Variants in RAD51B observed in about 807,000 individuals in gnomAD.
RAD51B encodes the protein RAD51 paralog B, also known as DNA repair protein RAD51 homolog 2.
Under a neutral mutation model 42.2 loss-of-function variants are expected in RAD51B, and 38 were observed. That is an observed-to-expected ratio of 0.90 (90% confidence interval 0.70 to 1.18). The LOEUF is 1.18. Ranked by LOEUF, RAD51B falls within the 50% of genes most tolerant of loss-of-function variation. The probability of loss-of-function intolerance (pLI) is 0.00; values close to 1 mark genes in which losing one functional copy is unlikely to be tolerated. For missense variants in RAD51B, 373 were observed against 400.7 expected (o/e 0.93, Z 0.59); for synonymous variants, 154 against 145.2 (o/e 1.06, Z -0.43).
chr14:68,169,428 A>G (rs908891456), intron 7 of RAD51B, among the ~76,000 whole-genome samples: 3 of 152,128 alleles, frequency 2.0e-5, no homozygotes, highest in African/African-American at 2.4e-5. Context: ...ATTATTGGTC[A>G]CTAATTTTGC....
chr14:67,844,860 A>G (rs2041558207), intron 4 of RAD51B, among the ~76,000 whole-genome samples: 1 of 152,060 alleles, frequency 6.6e-6, no homozygotes, highest in Admixed American at 6.6e-5. Context: ...ATGAAGCTGG[A>G]AACCATTTTT....
chr14:68,243,620 G>C (rs1439501595), intron 7 of RAD51B, among the ~76,000 whole-genome samples: 1 of 152,042 alleles, frequency 6.6e-6, no homozygotes, highest in Non-Finnish European at 1.5e-5. Flanking sequence ...TAATTGCTTG[G>C]TAGTAATTGA....
intron 7 of RAD51B, among the ~76,000 whole-genome samples, chr14:68,051,407 A>C (rs1287344460): frequency 1.3e-5 from 2 of 152,092 alleles, no homozygotes; most frequent in Non-Finnish European, 2.9e-5. Context: ...TGTTTTCAAC[A>C]TATATATTTT....
At chr14:68,395,219 G>C (rs574860399) in intron 8 of RAD51B, among the ~76,000 whole-genome samples, 16 of 152,082 alleles carry the variant, frequency 1.1e-4, no homozygotes, top group African/African-American at 3.9e-4. Context: ...TCCTCTCTTT[G>C]CCCGATTCCT....
At chr14:68,429,435 A>G (rs1486836064) in intron 9 of RAD51B, among the ~76,000 whole-genome samples, 2 of 152,142 alleles carry the variant, frequency 1.3e-5, no homozygotes, top group African/African-American at 4.8e-5. Context: ...TGACTTTTTA[A>G]TGATCGCCAT....
rs201048307 is a variant in RAD51B at position 67,835,223 on chromosome 14, T to G, written c.315+27T>G. The G allele has an allele frequency of 7.8e-4, 1,170 of 1,498,832 alleles. 3 individuals carry two copies. The highest frequency in any genetic ancestry group is 1.0e-3 in the Non-Finnish European group (1,083 of 1,076,114). 92.8% of individuals were successfully genotyped at this position (1,498,832 alleles called of 1,614,324 possible). ...TAAAGGAAAAATTTTTCGTACCTTCTTCCATTGACCTATAACCTTCAGAGC... is the reference window on the plus strand; with the variant it reads ...TAAAGGAAAAATTTTTCGTACCTTCGTCCATTGACCTATAACCTTCAGAGC... On this transcript the variant is annotated intron_variant, in intron 4 of 10. Coordinates refer to ENST00000471583, the MANE Select transcript of RAD51B (RefSeq NM_133510.4).
At chr14:67,966,904 C>T (rs1046607605) in intron 7 of RAD51B, among the ~76,000 whole-genome samples, 23 of 152,104 alleles carry the variant, frequency 1.5e-4, no homozygotes, top group Admixed American at 3.3e-4. Flanking sequence ...CTTCTCATAG[C>T]AATCTGATAT....
intron 8 of RAD51B, among the ~76,000 whole-genome samples, chr14:68,384,367 A>G (rs1360040764): frequency 6.6e-6 from 1 of 152,248 alleles, no homozygotes; most frequent in African/African-American, 2.4e-5. Context: ...AGGATTTCCC[A>G]CAATGGCTAT....
At chr14:68,362,894 G>A (rs2083060726) in intron 8 of RAD51B, among the ~76,000 whole-genome samples, 1 of 151,920 alleles carries the variant, frequency 6.6e-6, no homozygotes, top group Admixed American at 6.5e-5. Flanking sequence ...AATGTTGTTA[G>A]CTCCTTCTCA....
chr14:68,216,350 G>C (rs190920999), intron 7 of RAD51B, among the ~76,000 whole-genome samples: 2 of 152,336 alleles, frequency 1.3e-5, no homozygotes, highest in East Asian at 3.9e-4. Flanking sequence ...GCAGTGAACT[G>C]TATGGTAGGT....
intron 8 of RAD51B, among the ~76,000 whole-genome samples, chr14:68,327,918 A>G (rs893184668): frequency 4.6e-5 from 7 of 152,150 alleles, no homozygotes; most frequent in African/African-American, 1.7e-4. Context: ...ATTCACTAAT[A>G]CGTATTTATT....
chr14:68,496,066 A>G (rs1055659818), intron 10 of RAD51B, among the ~76,000 whole-genome samples: 5 of 152,234 alleles, frequency 3.3e-5, no homozygotes, highest in African/African-American at 1.2e-4. Flanking sequence ...TTCCCCCAGC[A>G]GTAACCACTC....
chr14:68,450,744 C>T (rs544172494), intron 9 of RAD51B, among the ~76,000 whole-genome samples: 1 of 152,066 alleles, frequency 6.6e-6, no homozygotes, highest in Non-Finnish European at 1.5e-5. Flanking sequence ...ATCAGAAAAA[C>T]ATAAAGCCAT....
chr14:68,579,600 C>A (rs1465088685), intron 10 of RAD51B, among the ~76,000 whole-genome samples: 1 of 152,104 alleles, frequency 6.6e-6, no homozygotes, highest in Admixed American at 6.5e-5. Flanking sequence ...AAAAATGATT[C>A]CTTGCTTGTC....
At position 67,845,168 on chromosome 14, in the gene RAD51B, A is replaced by C. The variant is rs184491998; in HGVS notation, c.315+9972A>C. ...ATGTTGTTAGCCGGTTATTATGCAG[A>C]CTTGTTTGTGTTGTTGCTTTATAGT... On this transcript the variant is annotated intron_variant, in intron 4 of 10. Transcript: ENST00000471583. Among the ~76,000 whole-genome samples the C allele has an allele frequency of 2.6e-4, 39 of 152,248 alleles. No homozygotes were observed. In the East Asian group the frequency reaches 7.5e-3, roughly 29 times the overall value.
chr14:68,234,850 A>AT (rs921598744), intron 7 of RAD51B, among the ~76,000 whole-genome samples: 5 of 152,214 alleles, frequency 3.3e-5, no homozygotes, highest in African/African-American at 1.2e-4. Flanking sequence ...TCAACAATAA[A>AT]TTAAGTGTAA....
chr14:68,200,612 C>T lies in RAD51B; in HGVS notation c.757-91272C>T, dbSNP rs1303337080. 4.6e-5 allele frequency among the ~76,000 whole-genome samples: 7 copies of T among 152,046 alleles called. No individual in the cohort carries two copies. In the East Asian group the frequency reaches 5.8e-4, roughly 13 times the overall value. On this transcript the variant is annotated intron_variant, in intron 7 of 10. Coordinates refer to ENST00000471583, the MANE Select transcript of RAD51B (RefSeq NM_133510.4). ...GCTTACACAAAACTAAGTAAATTTA[C>T]GCATACAATTTTACTTGAAGGAAGT...
At chr14:68,169,342 C>T (rs1332171034) in intron 7 of RAD51B, among the ~76,000 whole-genome samples, 1 of 152,024 alleles carries the variant, frequency 6.6e-6, no homozygotes, top group African/African-American at 2.4e-5. Flanking sequence ...GTTTAGTGCC[C>T]ATTTCAAATT....
chr14:68,423,136 T>C (rs918068433), intron 9 of RAD51B, among the ~76,000 whole-genome samples: 17 of 152,244 alleles, frequency 1.1e-4, no homozygotes, highest in Non-Finnish European at 2.2e-4. Flanking sequence ...TGTATCCCAC[T>C]GCCCATTTTC....
Sources: gnomAD v4.1 joint callset for allele counts (sites outside exome capture counted in the v4.1 genomes callset) on GRCh38, gnomAD v4.1.1 for gene constraint, MANE v1.5 for transcripts, NCBI Gene and HGNC (gene_info 2026-07-23, HGNC 2026-07-21) for gene names.